Variants in RBM8A observed in about 807,000 individuals in gnomAD.
RBM8A encodes the protein RNA-binding protein 8A.
Under a neutral mutation model 25.1 loss-of-function variants are expected in RBM8A, and 8 were observed. That is an observed-to-expected ratio of 0.32 (90% confidence interval 0.19 to 0.58). The LOEUF is 0.58. RBM8A is among the 20% of genes least tolerant of loss of function. RBM8A has a pLI of 0.88. For synonymous variants in RBM8A, 66 were observed against 80.0 expected (o/e 0.82, Z 0.94); for missense variants, 114 against 236.8 (o/e 0.48, Z 3.40).
chr1:145,926,297 C>T, intron 4 of RBM8A, 120 bp from the exon 5 acceptor site: 1 of 1,457,532 alleles, frequency 6.9e-7, no homozygotes, highest in South Asian at 1.3e-5. Flanking sequence ...GAATGTACAT[C>T]ATATATCTCT....
rs1553755633 is a variant in RBM8A at position 145,925,189 on chromosome 1, A to G, written c.*693T>C. Reference sequence around the variant, plus strand: ...GGAAGTACAAAAAACTGTGACATCAAGAAGGGCAGGAGAAACAAAAGGCAT... The same window carrying G: ...GGAAGTACAAAAAACTGTGACATCAGGAAGGGCAGGAGAAACAAAAGGCAT... On this transcript the variant is annotated 3_prime_UTR_variant, in exon 6 of 6. Coordinates refer to ENST00000583313, the MANE Select transcript of RBM8A (RefSeq NM_005105.5). 1 of 293,592 alleles carries G rather than the reference A, an allele frequency of 3.4e-6. No individual in the cohort carries two copies. The highest frequency in any genetic ancestry group is 8.5e-5 in the East Asian group (1 of 11,740). The allele number at this position is 293,592 out of a possible 1,614,324, so 18.2% of individuals were successfully genotyped here. A position where few individuals can be genotyped will look rare whatever the true frequency, so the allele number is the denominator to read the frequency against.
chr1:145,927,252 G>T, intron 1 of RBM8A, 108 bp downstream of exon 1: 4 of 1,468,940 alleles, frequency 2.7e-6, no homozygotes, highest in South Asian at 1.2e-5. Context: ...CCAAGACCCG[G>T]TTCCTCGATT....
chr1:145,923,293 A>C lies in RBM8A; in HGVS notation c.*2589T>G, dbSNP rs1015867554. 4.7e-5 allele frequency: 7 copies of C among 147,824 alleles called. No individual in the cohort carries two copies. The highest frequency in any genetic ancestry group is 2.1e-4 in the South Asian group (1 of 4,694). The allele number at this position is 147,824 out of a possible 1,614,324, so 9.2% of individuals were successfully genotyped here. A position where few individuals can be genotyped will look rare whatever the true frequency, so the allele number is the denominator to read the frequency against. ...CTTCTTAGGCAGAGCACAAAAACAAAAACAAAAAAAAAAACTTAGAAATAT... is the reference window on the plus strand; with the variant it reads ...CTTCTTAGGCAGAGCACAAAAACAACAACAAAAAAAAAAACTTAGAAATAT... On this transcript the variant is annotated 3_prime_UTR_variant, in exon 6 of 6. Coordinates refer to ENST00000583313, the MANE Select transcript of RBM8A (RefSeq NM_005105.5).
chr1:145,924,364 T>C lies in RBM8A; in HGVS notation c.*1518A>G, dbSNP rs1162413114. The C allele has an allele frequency of 4.1e-6, 2 of 488,010 alleles. No homozygotes were observed. The highest frequency in any genetic ancestry group is 3.9e-5 in the African/African-American group (2 of 50,888). The allele number at this position is 488,010 out of a possible 1,614,324, so 30.2% of individuals were successfully genotyped here. A position where few individuals can be genotyped will look rare whatever the true frequency, so the allele number is the denominator to read the frequency against. On this transcript the variant is annotated 3_prime_UTR_variant, in exon 6 of 6. Coordinates refer to ENST00000583313, the MANE Select transcript of RBM8A (RefSeq NM_005105.5). ...GGCCCCAGACAAGGAAGGGGAGCCA[T>C]GGTGAGACTCCAATTCCCAGGCCTT...
Position 145,926,862 on chromosome 1 carries a change from C to T in RBM8A, c.152G>A (p.Arg51His), listed in dbSNP as rs782807758. The T allele has an allele frequency of 1.2e-6, 2 of 1,614,154 alleles. No homozygotes were observed. The highest frequency in any genetic ancestry group is 1.7e-6 in the Non-Finnish European group (2 of 1,180,030). Reference sequence around the variant, plus strand: ...CTGCTCCACGCTGTCATAATCCTCACGCATCCGCGCTCGGGACCCCTCTTC... The same window carrying T: ...CTGCTCCACGCTGTCATAATCCTCATGCATCCGCGCTCGGGACCCCTCTTC... ...GSEEGSRARM[R>H]EDYDSVEQDG... Residue 51 changes from arginine (R) to histidine (H), a missense_variant, in exon 3 of 6, where the codon CGT becomes CAT. By Grantham distance (29) the Arg-to-His change is conservative. Coordinates refer to ENST00000583313, the MANE Select transcript of RBM8A (RefSeq NM_005105.5).
rs782462170 is a variant in RBM8A, at chr1:145,925,250, AG to A, written c.*631del. The A allele has an allele frequency of 8.5e-5, 24 of 283,276 alleles. No homozygotes were observed. In the East Asian group the frequency reaches 2.3e-3, roughly 27 times the overall value. The allele number at this position is 283,276 out of a possible 1,614,324, so 17.5% of individuals were successfully genotyped here. A position where few individuals can be genotyped will look rare whatever the true frequency, so the allele number is the denominator to read the frequency against. ...TCTATCTGATCCTAACAGAGTATGTAGGAACAGAATAGTAAGTCTTTAGTGC... is the reference window on the plus strand; with the variant it reads ...TCTATCTGATCCTAACAGAGTATGTAGAACAGAATAGTAAGTCTTTAGTGC... On this transcript the variant is annotated 3_prime_UTR_variant, in exon 6 of 6. Coordinates refer to ENST00000583313, the MANE Select transcript of RBM8A (RefSeq NM_005105.5).
In RBM8A at chr1:145,925,942, G is replaced by C. The variant is rs781813323; in HGVS notation, c.480-15C>G. On this transcript the variant is annotated splice_polypyrimidine_tract_variant and intron_variant, in intron 5 of 5. Transcript: ENST00000583313. ...TTCGGCCACCTCTAGGGAAAAAGAA[G>C]CAGGGAGAGGAGTCCATTAGAGGGA... 2 of 1,614,196 alleles carry C rather than the reference G, an allele frequency of 1.2e-6. No individual in the cohort carries two copies. The highest frequency in any genetic ancestry group is 1.1e-5 in the South Asian group (1 of 91,088).
In RBM8A at chr1:145,926,636, G is replaced by A. The variant is rs1351598097; in HGVS notation, c.206-18C>T. 5 of 1,613,654 alleles carry A rather than the reference G, an allele frequency of 3.1e-6. No homozygotes were observed. The highest frequency in any genetic ancestry group is 2.2e-5 in the East Asian group (1 of 44,904). On this transcript the variant is annotated intron_variant, in intron 3 of 5. Transcript: ENST00000583313. ...TTCAACAGCTGTTGGGGGACGGGGG[G>A]AAGTTGTATGAGTACATGAGAGACA...
chr1:145,926,173 T>C lies in RBM8A; in HGVS notation c.347A>G (p.Tyr116Cys). Residue 116 changes from tyrosine (Y) to cysteine (C), a missense_variant, in exon 5 of 6, where the codon TAT becomes TGT. Tyr to Cys is a radical substitution (Grantham distance 194, BLOSUM62 -2). This residue lies in a region of RBM8A where 102 missense variants were observed against 182.7 expected (regional missense o/e 0.56). Coordinates refer to ENST00000583313, the MANE Select transcript of RBM8A (RefSeq NM_005105.5). ...GTATGTTTCATATTCAACTAGAGTA[T>C]ACCCCTGGGGAAAGTGAAAAGACAG... The part of the protein sequence containing the change: ...LDRRTGYLKG[Y>C]TLVEYETYKE... 6.2e-7 allele frequency: 1 copy of C among 1,613,518 alleles called. No homozygotes were observed. Among genetic ancestry groups the C allele is most frequent in the Non-Finnish European group, 8.5e-7 (1 of 1,180,008 alleles).
Position 145,924,612 on chromosome 1 carries a change from C to G in RBM8A, c.*1270G>C, listed in dbSNP as rs1647998138. On this transcript the variant is annotated 3_prime_UTR_variant, in exon 6 of 6. Transcript: ENST00000583313. ...ATTCTTGAACACCATCAAGTCTAGA[C>G]TTGGTGGCTTCATATTTCTATCATA... is the stretch of plus-strand genomic sequence containing the variant. 1 of 354,988 alleles carries G rather than the reference C, an allele frequency of 2.8e-6. No individual in the cohort carries two copies. Among genetic ancestry groups the G allele is most frequent in the Non-Finnish European group, 5.6e-6 (1 of 178,010 alleles). 22.0% of individuals were successfully genotyped at this position (354,988 alleles called of 1,614,324 possible).
In RBM8A at chr1:145,927,081, G is replaced by A. The variant is rs782317229; in HGVS notation, c.68-4C>T. On this transcript the variant is annotated splice_polypyrimidine_tract_variant and splice_region_variant and intron_variant, in intron 1 of 5. Coordinates refer to ENST00000583313, the MANE Select transcript of RBM8A (RefSeq NM_005105.5). ...TCTTTCAGTTTGTGAATGCTCTCTG[G>A]AACCCCAGAAGATAAAAGAATAAGT... 4.3e-6 allele frequency: 7 copies of A among 1,613,130 alleles called. No homozygotes were observed. In the Middle Eastern group the frequency reaches 6.6e-4, roughly 152 times the overall value.
rs1648151926 is a variant in RBM8A at position 145,926,270 on chromosome 1, TAC to T, written c.343-95_343-94del. The T allele has an allele frequency of 1.2e-5, 18 of 1,537,374 alleles. No homozygotes were observed. In the South Asian group the frequency reaches 1.9e-4, roughly 16 times the overall value. On this transcript the variant is annotated intron_variant, in intron 4 of 5. Transcript: ENST00000583313. ...CCTCAAATCTAAACTCAGAAAAATC[TAC>T]ACACTTTAAACAATGAATGTACATC...
Position 145,925,750 on chromosome 1 carries a change from G to A in RBM8A, c.*132C>T, listed in dbSNP as rs1377896056. The A allele has an allele frequency of 8.9e-5, 92 of 1,031,560 alleles. No homozygotes were observed. Among genetic ancestry groups the A allele is most frequent in the Middle Eastern group, 3.2e-4 (1 of 3,158 alleles). 63.9% of individuals were successfully genotyped at this position (1,031,560 alleles called of 1,614,324 possible). ...GAAAACAAAAATGGAACATTTATTC[G>A]CAACTCAAATACTACGCATATACGG... On this transcript the variant is annotated 3_prime_UTR_variant, in exon 6 of 6. Transcript: ENST00000583313.
chr1:145,926,903 C>A lies in RBM8A; in HGVS notation c.128-17G>T, dbSNP rs201686561. Reference sequence around the variant, plus strand: ...ACCCCTCTTCTATAAGGGACATACACGAGATCACCGAAAACTCCTCCTTTC... The same window carrying A: ...ACCCCTCTTCTATAAGGGACATACAAGAGATCACCGAAAACTCCTCCTTTC... On this transcript the variant is annotated splice_polypyrimidine_tract_variant and intron_variant, in intron 2 of 5. Transcript: ENST00000583313. The A allele has an allele frequency of 6.2e-6, 10 of 1,614,080 alleles. No individual in the cohort carries two copies. Among genetic ancestry groups the A allele is most frequent in the Non-Finnish European group, 8.5e-6 (10 of 1,180,018 alleles).
Position 145,924,579 on chromosome 1 carries a change from T to C in RBM8A, c.*1303A>G. The C allele has an allele frequency of 2.8e-6, 1 of 363,500 alleles. No individual in the cohort carries two copies. The highest frequency in any genetic ancestry group is 2.1e-5 in the South Asian group (1 of 47,796). The allele number at this position is 363,500 out of a possible 1,614,324, so 22.5% of individuals were successfully genotyped here. On this transcript the variant is annotated 3_prime_UTR_variant, in exon 6 of 6. Transcript: ENST00000583313. ...GGACAAGGACTAGGGAGGCAATCAG[T>C]ATTATTTATTCTTGAACACCATCAA...
At position 145,926,810 on chromosome 1, in the gene RBM8A, G is replaced by C; in HGVS notation, c.204C>G (p.Arg68=). 1 of 1,614,084 alleles carries C rather than the reference G, an allele frequency of 6.2e-7. No individual in the cohort carries two copies. Among genetic ancestry groups the C allele is most frequent in the Non-Finnish European group, 8.5e-7 (1 of 1,180,018 alleles). ...CTCACAGGTTCCATTATTACTCACAGCGTTGTGGTCCGGGTTCATCGCCAT... is the reference window on the plus strand; with the variant it reads ...CTCACAGGTTCCATTATTACTCACACCGTTGTGGTCCGGGTTCATCGCCAT... The part of the protein sequence containing the change: ...EQDGDEPGPQ[R]SVEGWILFVT... The change falls in exon 3 of 6, where the codon CGC becomes CGG. Residue 68 remains arginine (R), a splice_region_variant and synonymous_variant. Coordinates refer to ENST00000583313, the MANE Select transcript of RBM8A (RefSeq NM_005105.5).
In RBM8A at chr1:145,926,767, T is replaced by A. The variant is rs782031364; in HGVS notation, c.205+42A>T. 6.2e-6 allele frequency: 10 copies of A among 1,614,112 alleles called. No individual in the cohort carries two copies. In the South Asian group the frequency reaches 8.8e-5, roughly 14 times the overall value. On this transcript the variant is annotated intron_variant, in intron 3 of 5. Coordinates refer to ENST00000583313, the MANE Select transcript of RBM8A (RefSeq NM_005105.5). ...AACTATTTTATTGGTTTCTAACTAC[T>A]ACCACAGACACGGATACCTCACAGG...
At position 145,925,941 on chromosome 1, in the gene RBM8A, A is replaced by C. The variant is rs782472832; in HGVS notation, c.480-14T>G. 2.6e-5 allele frequency: 42 copies of C among 1,614,224 alleles called. No homozygotes were observed. Among genetic ancestry groups the C allele is most frequent in the Non-Finnish European group, 3.6e-5 (42 of 1,180,032 alleles). ...CTTCGGCCACCTCTAGGGAAAAAGA[A>C]GCAGGGAGAGGAGTCCATTAGAGGG... On this transcript the variant is annotated splice_polypyrimidine_tract_variant and intron_variant, in intron 5 of 5. Coordinates refer to ENST00000583313, the MANE Select transcript of RBM8A (RefSeq NM_005105.5).
chr1:145,925,994 C>A (rs113510982), intron 5 of RBM8A, 47 bp downstream of exon 5: 24 of 1,614,158 alleles, frequency 1.5e-5, no homozygotes, highest in African/African-American at 1.5e-4. Flanking sequence ...CATTCTGTTT[C>A]GTTCGTATTC....
Sources: allele counts gnomAD v4.1 joint callset, GRCh38; gene constraint gnomAD v4.1.1; regional missense constraint gnomAD v4.1.1; transcripts MANE v1.5; gene names NCBI Gene and HGNC (gene_info 2026-07-23, HGNC 2026-07-21).